The following TRPM3 variants were observed in gnomAD, a reference collection of about 807,000 sequenced individuals.
TRPM3 encodes transient receptor potential cation channel subfamily M member 3, also known as long transient receptor potential channel 3.
A neutral mutation model predicts 181.2 loss-of-function variants in TRPM3; 77 were observed. The observed-to-expected ratio is 0.42, with a 90% CI of 0.35 to 0.51. The LOEUF (loss-of-function observed/expected upper bound fraction) is 0.51, where lower values mean the gene tolerates loss of function less well. Among genes scored for constraint, TRPM3 ranks in the 20% least tolerant of loss-of-function variants. The pLI, the probability that TRPM3 is intolerant of heterozygous loss-of-function variation, is 0.01. For synonymous variants in TRPM3, 745 were observed against 796.4 expected (o/e 0.94, Z 1.09); for missense variants, 1,759 against 2,196.7 (o/e 0.80, Z 3.98).
intron 1 of TRPM3, among the ~76,000 whole-genome samples, chr9:70,979,814 T>C (rs996314095): frequency 2.0e-5 from 3 of 152,142 alleles, no homozygotes; most frequent in Non-Finnish European, 2.9e-5. Flanking sequence ...TTGTTTCTCA[T>C]GGGGGCTTCT....
chr9:70,971,548 A>T (rs1482781754), intron 1 of TRPM3, among the ~76,000 whole-genome samples: 1 of 152,122 alleles, frequency 6.6e-6, no homozygotes, highest in African/African-American at 2.4e-5. Context: ...TCAGGGGGGA[A>T]ATGAATTCTT....
At chr9:71,169,764 G>A (rs1196167976) in intron 1 of TRPM3, among the ~76,000 whole-genome samples, 1 of 151,820 alleles carries the variant, frequency 6.6e-6, no homozygotes, top group Non-Finnish European at 1.5e-5. Context: ...AGACCAGCCT[G>A]GCCAACATGG....
chr9:71,383,764 A>G (rs979032632), intron 1 of TRPM3, among the ~76,000 whole-genome samples: 3 of 152,218 alleles, frequency 2.0e-5, no homozygotes, highest in African/African-American at 2.4e-5. Flanking sequence ...TGATTACACA[A>G]GCATCTGCCC....
At chr9:70,653,126 A>C (rs2059804571) in intron 9 of TRPM3, among the ~76,000 whole-genome samples, 2 of 152,190 alleles carry the variant, frequency 1.3e-5, no homozygotes. Flanking sequence ...AATGGAGGCC[A>C]GGGAGGATTT....
chr9:71,401,892 C>A (rs1290537279), intron 1 of TRPM3, among the ~76,000 whole-genome samples: 1 of 152,136 alleles, frequency 6.6e-6, no homozygotes, highest in East Asian at 1.9e-4. Flanking sequence ...CAGGCAGAGA[C>A]AAAAATTGAA....
intron 20 of TRPM3, among the ~76,000 whole-genome samples, chr9:70,601,624 G>T (rs1236787419): frequency 6.6e-6 from 1 of 152,138 alleles, no homozygotes; most frequent in African/African-American, 2.4e-5. Context: ...CACTCCCCAC[G>T]GGAAGCGGGA....
At chr9:70,681,640 A>G in intron 8 of TRPM3, 62 bp from the exon 9 acceptor site, 1 of 1,337,834 alleles carries the variant, frequency 7.5e-7, no homozygotes, top group Non-Finnish European at 1.1e-6. Flanking sequence ...AATTAAATCA[A>G]TGAGACCACA....
At chr9:70,816,053 C>A (rs2092660405) in intron 6 of TRPM3, among the ~76,000 whole-genome samples, 1 of 152,178 alleles carries the variant, frequency 6.6e-6, no homozygotes. Flanking sequence ...GAAAGGAAAT[C>A]TCAGCTGTCT....
At chr9:70,560,504 G>T (rs1238052309) in intron 22 of TRPM3, among the ~76,000 whole-genome samples, 1 of 152,156 alleles carries the variant, frequency 6.6e-6, no homozygotes. Context: ...GACATGATAG[G>T]TCTAATGTTT....
chr9:70,987,361 G>T (rs749399543), intron 1 of TRPM3, among the ~76,000 whole-genome samples: 1 of 152,026 alleles, frequency 6.6e-6, no homozygotes, highest in Non-Finnish European at 1.5e-5. Flanking sequence ...TGTAATTTTT[G>T]TATTTCCTGC....
intron 1 of TRPM3, among the ~76,000 whole-genome samples, chr9:70,966,604 A>G (rs1176873123): frequency 6.6e-6 from 1 of 152,170 alleles, no homozygotes; most frequent in Non-Finnish European, 1.5e-5. Flanking sequence ...ACATGGATGG[A>G]GCTGGAGGCC....
At chr9:70,565,954 T>G (rs370509847) in intron 22 of TRPM3, among the ~76,000 whole-genome samples, 40 of 152,132 alleles carry the variant, frequency 2.6e-4, no homozygotes, top group African/African-American at 9.4e-4. Context: ...CCAGCTTCCC[T>G]CATCATTCAT....
intron 1 of TRPM3, among the ~76,000 whole-genome samples, chr9:71,080,359 A>AC (rs909791307): frequency 3.3e-5 from 5 of 152,044 alleles, no homozygotes; most frequent in Non-Finnish European, 7.4e-5. Context: ...AAGCTCCCCA[A>AC]CCCCCAACCA....
chr9:70,577,721 G>C (rs997142330), intron 22 of TRPM3, among the ~76,000 whole-genome samples: 7 of 152,216 alleles, frequency 4.6e-5, no homozygotes, highest in Admixed American at 1.3e-4. Context: ...GTAGACTCCT[G>C]ATAGGGTTGA....
intron 1 of TRPM3, among the ~76,000 whole-genome samples, chr9:71,231,993 T>C (rs749660904): frequency 3.9e-5 from 6 of 152,182 alleles, no homozygotes; most frequent in Admixed American, 3.9e-4. Flanking sequence ...TTTATATTAG[T>C]CCCTTTAAGG....
At chr9:70,985,892 G>C (rs1590312129) in intron 1 of TRPM3, among the ~76,000 whole-genome samples, 2 of 152,328 alleles carry the variant, frequency 1.3e-5, no homozygotes, top group Non-Finnish European at 2.9e-5. Context: ...GGACAGGATG[G>C]AGGGAGAATA....
intron 1 of TRPM3, among the ~76,000 whole-genome samples, chr9:70,971,013 A>G (rs941555637): frequency 3.9e-5 from 6 of 152,196 alleles, no homozygotes; most frequent in Non-Finnish European, 8.8e-5. Context: ...AAAGCTATTT[A>G]GATTTCTTAT....
chr9:71,409,553 G>T (rs1376697038), intron 1 of TRPM3, among the ~76,000 whole-genome samples: 1 of 151,700 alleles, frequency 6.6e-6, no homozygotes, highest in African/African-American at 2.4e-5. Flanking sequence ...TTCAACAAGT[G>T]CTAACTATCC....
At chr9:70,822,725 T>A (rs758756094) in intron 6 of TRPM3, among the ~76,000 whole-genome samples, 1 of 151,756 alleles carries the variant, frequency 6.6e-6, no homozygotes, top group Non-Finnish European at 1.5e-5. Flanking sequence ...TATGTATATT[T>A]ATTTTACCAC....
Sources: gnomAD v4.1 joint callset for allele counts (sites outside exome capture counted in the v4.1 genomes callset) on GRCh38, gnomAD v4.1.1 for gene constraint, MANE v1.5 for transcripts, NCBI Gene and HGNC (gene_info 2026-07-23, HGNC 2026-07-21) for gene names.